The following ADARB2 variants were observed in gnomAD, a reference collection of about 807,000 sequenced individuals.
ADARB2 encodes adenosine deaminase RNA specific B2 (inactive).
Under a neutral mutation model 62.2 loss-of-function variants are expected in ADARB2, and 25 were observed. The ratio of observed to expected loss-of-function variants is 0.40; its 90% CI spans 0.29 to 0.56. The LOEUF (loss-of-function observed/expected upper bound fraction) is 0.56. Among genes scored for constraint, ADARB2 ranks in the 20% least tolerant of loss-of-function variants. ADARB2 has a pLI of 0.43. For synonymous variants in ADARB2, 572 were observed against 500.8 expected (o/e 1.14, Z -1.90); for missense variants, 1,071 against 1,077.4 (o/e 0.99, Z 0.08).
chr10:1,240,655 T>C (rs3793737), intron 5 of ADARB2: 104,262 of 152,010 alleles, frequency 0.69, 36,228 homozygotes, highest in African/African-American at 0.8. Flanking sequence ...TGCCCTGGAC[T>C]CCCCCTCCCC....
At chr10:1,276,079 C>A (rs908424163) in intron 3 of ADARB2, among the ~76,000 whole-genome samples, 10 of 152,130 alleles carry the variant, frequency 6.6e-5, no homozygotes, top group East Asian at 1.9e-4. Context: ...GAGGAATCGC[C>A]ACACTGACTT....
At chr10:1,390,218 T>C (rs1564277243) in intron 1 of ADARB2, among the ~76,000 whole-genome samples, 1 of 152,196 alleles carries the variant, frequency 6.6e-6, no homozygotes, top group African/African-American at 2.4e-5. Flanking sequence ...AAAAGGAATA[T>C]GCAGTGTGGT....
At chr10:1,258,012 C>G (rs545417114) in intron 4 of ADARB2, among the ~76,000 whole-genome samples, 9 of 152,284 alleles carry the variant, frequency 5.9e-5, no homozygotes, top group Admixed American at 5.9e-4. Context: ...TATCTCCATC[C>G]ACACAGTGGG....
chr10:1,327,901 C>CCTCCTCACAGCTCAGCGG (rs1831889393), intron 3 of ADARB2, among the ~76,000 whole-genome samples: 2 of 79,612 alleles, frequency 2.5e-5, no homozygotes, highest in Admixed American at 1.1e-4. Flanking sequence ...CAGCTCAGCG[C>CCTCCTCACAGCTCAGCGG]CTCCTCACAG....
intron 3 of ADARB2, among the ~76,000 whole-genome samples, chr10:1,348,268 C>T (rs1194635793): frequency 6.6e-6 from 1 of 152,154 alleles, no homozygotes; most frequent in Non-Finnish European, 1.5e-5. Flanking sequence ...CTAAAGAAAC[C>T]ACTGTTGCCT....
intron 1 of ADARB2, among the ~76,000 whole-genome samples, chr10:1,401,044 C>A (rs928283204): frequency 3.3e-5 from 5 of 152,180 alleles, no homozygotes; most frequent in Non-Finnish European, 7.3e-5. Flanking sequence ...AGAGCAAGCG[C>A]AGTATCAGAG....
In ADARB2 at chr10:1,652,423, C is replaced by T. The variant is rs1020464132; in HGVS notation, c.100+84628G>A. ...GAAGACCAAGCCATCTGTGCTCCTCCCGGGAGCATCCCACTTCCTTTCCAG... is the reference window on the plus strand; with the variant it reads ...GAAGACCAAGCCATCTGTGCTCCTCTCGGGAGCATCCCACTTCCTTTCCAG... On this transcript the variant is annotated intron_variant, in intron 1 of 9. Coordinates refer to ENST00000381312, the MANE Select transcript of ADARB2 (RefSeq NM_018702.4). 2.0e-5 allele frequency among the ~76,000 whole-genome samples: 3 copies of T among 152,318 alleles called. No individual in the cohort carries two copies. The South Asian group carries it at 6.2e-4, about 32-fold the overall frequency.
rs202160428 is a variant in ADARB2, at chr10:1,703,436, TG to T, written c.100+33614del. Among the ~76,000 whole-genome samples the T allele has an allele frequency of 7.8e-3, 1,172 of 151,152 alleles. 11 individuals are homozygous for T. Among genetic ancestry groups the T allele is most frequent in the African/African-American group, 0.028 (1,139 of 41,112 alleles). ...GGTGAGCAGTGAGGAGGCTGAGGGG[TG>T]GGGGGAGACTTTTTTAAGACAAGAG... On this transcript the variant is annotated intron_variant, in intron 1 of 9. Coordinates refer to ENST00000381312, the MANE Select transcript of ADARB2 (RefSeq NM_018702.4).
At chr10:1,589,932 A>G (rs747100708) in intron 1 of ADARB2, among the ~76,000 whole-genome samples, 28 of 152,174 alleles carry the variant, frequency 1.8e-4, no homozygotes, top group Admixed American at 3.9e-4. Flanking sequence ...TTGGCCTCCC[A>G]AAGTGTCAAG....
intron 1 of ADARB2, among the ~76,000 whole-genome samples, chr10:1,570,612 G>T (rs964965169): frequency 3.9e-5 from 6 of 152,366 alleles, no homozygotes; most frequent in African/African-American, 1.2e-4. Context: ...TCACCAGAGA[G>T]TCTCATGCCC....
At chr10:1,592,232 A>G (rs976153331) in intron 1 of ADARB2, among the ~76,000 whole-genome samples, 7 of 152,136 alleles carry the variant, frequency 4.6e-5, no homozygotes, top group Non-Finnish European at 7.4e-5. Context: ...TCCGTGCCAC[A>G]TGATCCCCTC....
At chr10:1,337,060 TTCTGTGTG>T (rs1169919100) in intron 3 of ADARB2, among the ~76,000 whole-genome samples, 3 of 82,518 alleles carry the variant, frequency 3.6e-5, no homozygotes, top group African/African-American at 1.4e-4. Context: ...ACTTAAAGAT[TTCTGTGTG>T]TGTGTGTGTG....
chr10:1,182,940 C>G lies in ADARB2; in HGVS notation c.*253G>C. 1 of 473,004 alleles carries G rather than the reference C, an allele frequency of 2.1e-6. No homozygotes were observed. The highest frequency in any genetic ancestry group is 2.7e-5 in the South Asian group (1 of 36,602). The allele number at this position is 473,004 out of a possible 1,614,324, so 29.3% of individuals were successfully genotyped here. The stretch of plus-strand genomic sequence containing the variant: ...AATGGAGCCCCTCCCTCAGACTCCA[C>G]AGGAAGAGTCGGCGCTAACTCAACA... On this transcript the variant is annotated 3_prime_UTR_variant, in exon 10 of 10. Coordinates refer to ENST00000381312, the MANE Select transcript of ADARB2 (RefSeq NM_018702.4).
chr10:1,259,916 A>G (rs577241223), intron 4 of ADARB2, among the ~76,000 whole-genome samples: 1 of 152,312 alleles, frequency 6.6e-6, no homozygotes, highest in East Asian at 1.9e-4. Context: ...ATATGGGCAA[A>G]CCGAATCCAG....
intron 1 of ADARB2, among the ~76,000 whole-genome samples, chr10:1,438,811 G>GTC (rs1830866591): frequency 2.8e-5 from 4 of 140,408 alleles, no homozygotes; most frequent in Non-Finnish European, 3.1e-5. Flanking sequence ...GGGCTCCTGA[G>GTC]TCTCCTCAGC....
chr10:1,647,535 TTATG>T (rs973198688), intron 1 of ADARB2, among the ~76,000 whole-genome samples: 20 of 152,234 alleles, frequency 1.3e-4, no homozygotes, highest in Admixed American at 1.1e-3. Context: ...GCATGTGTGT[TTATG>T]TGAGTATACA....
intron 1 of ADARB2, among the ~76,000 whole-genome samples, chr10:1,654,847 C>A (rs1204449198): frequency 6.6e-6 from 1 of 152,212 alleles, no homozygotes; most frequent in Non-Finnish European, 1.5e-5. Context: ...AGCCCCTTCC[C>A]AGCCACACGC....
At chr10:1,300,485 A>G (rs1831563536) in intron 3 of ADARB2, among the ~76,000 whole-genome samples, 1 of 152,046 alleles carries the variant, frequency 6.6e-6, no homozygotes, top group Non-Finnish European at 1.5e-5. Flanking sequence ...CTCCTCCACT[A>G]ATCAATTCCC....
chr10:1,277,879 A>C (rs181747402), intron 3 of ADARB2, among the ~76,000 whole-genome samples: 83 of 152,256 alleles, frequency 5.5e-4, no homozygotes, highest in African/African-American at 1.7e-3. Context: ...AACCGAATCC[A>C]CCAGCACATC....
Sources: gnomAD v4.1 joint callset for allele counts (sites outside exome capture counted in the v4.1 genomes callset) on GRCh38, gnomAD v4.1.1 for gene constraint, MANE v1.5 for transcripts, NCBI Gene and HGNC (gene_info 2026-07-23, HGNC 2026-07-21) for gene names.